MTMR10: variants seen among roughly 807,000 people sequenced by gnomAD.
The protein encoded by MTMR10 is myotubularin related protein 10.
In MTMR10, 56 loss-of-function variants were observed where a neutral mutation model predicts 88.1. The ratio of observed to expected loss-of-function variants is 0.64; its 90% CI spans 0.51 to 0.79. The LOEUF is 0.79. MTMR10 is among the 30% of genes least tolerant of loss of function. MTMR10 has a pLI of 0.00. For synonymous variants in MTMR10, 380 were observed against 340.9 expected, an observed-to-expected ratio of 1.11 and a Z score of -1.26; for missense variants, 883 against 924.7, an observed-to-expected ratio of 0.95 and a Z score of 0.58.
intron 2 of MTMR10, among the ~76,000 whole-genome samples, chr15:30,983,966 A>C (rs188794505): frequency 6.6e-6 from 1 of 152,292 alleles, no homozygotes; most frequent in East Asian, 1.9e-4. Context: ...TCTCAGGAAA[A>C]ATTGTAGAAT....
At chr15:30,934,856 T>C (rs2062809025), downstream of MTMR10, among the ~76,000 whole-genome samples, 1 of 152,236 alleles carries the variant, frequency 6.6e-6, no homozygotes, top group Non-Finnish European at 1.5e-5. Context: ...CTTCCAGCCT[T>C]TGTGGTGTTT....
At chr15:30,966,184 G>A (rs2063469997) in intron 6 of MTMR10, 2 of 325,326 alleles carry the variant, frequency 6.1e-6, no homozygotes, top group Non-Finnish European at 1.2e-5. Flanking sequence ...AATATTTTCA[G>A]TATTAATCAT....
At chr15:30,928,789 G>A in the MTMR10 span, 2 of 1,490,354 alleles carry the variant, frequency 1.3e-6, no homozygotes, top group South Asian at 2.7e-5. Flanking sequence ...CACAGGTCAA[G>A]ATGATAACTT....
chr15:30,936,476 A>C (rs2062855458), downstream of MTMR10, among the ~76,000 whole-genome samples: 1 of 152,214 alleles, frequency 6.6e-6, no homozygotes, highest in Non-Finnish European at 1.5e-5. Flanking sequence ...AATCCAGTGC[A>C]TGCTTTAAAA....
chr15:30,919,692 GAAAAAAAAA>G, the MTMR10 span, among the ~76,000 whole-genome samples: 25 of 129,376 alleles, frequency 1.9e-4, no homozygotes, highest in Non-Finnish European at 3.6e-4. Context: ...CTGTCTCGGG[GAAAAAAAAA>G]AAAAAAAAGA....
chr15:30,941,124 T>A lies in MTMR10; in HGVS notation c.*346A>T. 7.9e-7 allele frequency: 1 copy of A among 1,264,774 alleles called. No homozygotes were observed. Among genetic ancestry groups the A allele is most frequent in the Non-Finnish European group, 1.0e-6 (1 of 981,446 alleles). The allele number at this position is 1,264,774 out of a possible 1,614,324, so 78.3% of individuals were successfully genotyped here. On this transcript the variant is annotated 3_prime_UTR_variant, in exon 16 of 16. Transcript: ENST00000435680. ...AAACACAAATTTCCTAACTTTCCTG[T>A]TGTCTGCTGCCTGGGGCTGCTAATG...
In MTMR10 at chr15:30,941,980, C is replaced by T. The variant is rs554814087; in HGVS notation, c.1824G>A (p.Leu608=). ...DQELLPRRNS[L]ILKPKPDPAQ... is the part of the protein sequence containing the mutation. Reference sequence around the variant, plus strand: ...CTGGATCTGGCTTTGGTTTTAATATCAATGAATTTCTCCTTGGAAGTAATT... The same window carrying T: ...CTGGATCTGGCTTTGGTTTTAATATTAATGAATTTCTCCTTGGAAGTAATT... Residue 608 remains leucine (L), a synonymous_variant, in exon 16 of 16, where the codon TTG becomes TTA. Coordinates refer to ENST00000435680, the MANE Select transcript of MTMR10 (RefSeq NM_017762.3). 1.2e-6 allele frequency: 2 copies of T among 1,613,950 alleles called. No homozygotes were observed. The highest frequency in any genetic ancestry group is 2.7e-5 in the African/African-American group (2 of 75,024).
At chr15:30,937,320 G>GT (rs1490773972), downstream of MTMR10, 3 of 1,492,428 alleles carry the variant, frequency 2.0e-6, no homozygotes, top group Non-Finnish European at 2.7e-6. Flanking sequence ...TATAAAACAT[G>GT]TTTTATTTAA....
At chr15:30,989,421 G>A (rs985499267) in intron 2 of MTMR10, among the ~76,000 whole-genome samples, 6 of 152,000 alleles carry the variant, frequency 3.9e-5, no homozygotes, top group Admixed American at 1.3e-4. Context: ...CCAAAGTTTG[G>A]TGTTTTTAAT....
downstream of MTMR10, among the ~76,000 whole-genome samples, chr15:30,938,751 C>T (rs986840894): frequency 1.3e-5 from 2 of 152,138 alleles, no homozygotes; most frequent in African/African-American, 4.8e-5. Context: ...CATGATCTAT[C>T]AATATCCACA....
In MTMR10 at chr15:30,941,163, G is replaced by A; in HGVS notation, c.*307C>T. On this transcript the variant is annotated 3_prime_UTR_variant, in exon 16 of 16. Coordinates refer to ENST00000435680, the MANE Select transcript of MTMR10 (RefSeq NM_017762.3). ...GGGCTGCTAATGTGACTGACTATCA[G>A]ATAGCCTTCAGGAGGTGGTAGGAAA... 7.6e-7 allele frequency: 1 copy of A among 1,319,468 alleles called. No individual in the cohort carries two copies. The highest frequency in any genetic ancestry group is 1.2e-5 in the South Asian group (1 of 81,036). The allele number at this position is 1,319,468 out of a possible 1,614,324, so 81.7% of individuals were successfully genotyped here. A position where few individuals can be genotyped will look rare whatever the true frequency, so the allele number is the denominator to read the frequency against.
chr15:30,954,843 T>C lies in MTMR10; in HGVS notation c.986A>G (p.Lys329Arg). 1.3e-6 allele frequency: 2 copies of C among 1,582,034 alleles called. No homozygotes were observed. Among genetic ancestry groups the C allele is most frequent in the South Asian group, 1.2e-5 (1 of 86,648 alleles). ...KSHPQRSDVY[K>R]SDLDKTLPNI... The stretch of plus-strand genomic sequence containing the variant: ...AGGCAAGGTCTTATCCAAATCTGAT[T>C]TGTAAACATCACTTCTCTGTGGGTG... The change falls in exon 10 of 16, where the codon AAA (lysine) becomes AGA (arginine). Residue 329 changes from lysine to arginine, a missense_variant. Lys to Arg is a conservative substitution (Grantham distance 26, BLOSUM62 2). Transcript: ENST00000435680.
At chr15:30,938,901 T>C (rs1250959379), downstream of MTMR10, 1 of 984,392 alleles carries the variant, frequency 1.0e-6, no homozygotes, top group Non-Finnish European at 1.2e-6. Flanking sequence ...CTTCTATCAA[T>C]CACTGTGTTC....
At chr15:30,949,338 G>C (rs768109578) in intron 12 of MTMR10, 1 of 152,136 alleles carries the variant, frequency 6.6e-6, no homozygotes, top group Non-Finnish European at 1.5e-5. Flanking sequence ...CCATCTCATT[G>C]AACTGGAGAA....
At chr15:30,937,007 G>C, downstream of MTMR10, 1 of 812,614 alleles carries the variant, frequency 1.2e-6, no homozygotes, top group South Asian at 1.7e-5. Context: ...TACAAATACA[G>C]TGAGAGAGCA....
chr15:30,987,644 G>A (rs1041998141), intron 2 of MTMR10, among the ~76,000 whole-genome samples: 5 of 151,930 alleles, frequency 3.3e-5, no homozygotes, highest in Admixed American at 1.3e-4. Flanking sequence ...TTATGCCAAA[G>A]CAAAGCATGC....
chr15:30,987,281 G>A (rs754605967), intron 2 of MTMR10, among the ~76,000 whole-genome samples: 25 of 152,170 alleles, frequency 1.6e-4, no homozygotes, highest in Admixed American at 3.3e-4. Context: ...AGGTCCTTTC[G>A]TTCAGTCCCT....
intron 9 of MTMR10, chr15:30,956,387 G>A (rs1432347574): frequency 6.6e-6 from 1 of 152,232 alleles, no homozygotes; most frequent in Non-Finnish European, 1.5e-5. Flanking sequence ...TGGGGTAGAT[G>A]ATAAGATAAA....
At chr15:30,933,765 G>T in the MTMR10 span, among the ~76,000 whole-genome samples, 422 of 144,178 alleles carry the variant, frequency 2.9e-3, no homozygotes, top group Non-Finnish European at 4.9e-3. Context: ...TTTTTTTTTT[G>T]TTTTTGTTTT....
Sources: gnomAD v4.1 joint callset for allele counts (sites outside exome capture counted in the v4.1 genomes callset) on GRCh38, gnomAD v4.1.1 for gene constraint, MANE v1.5 for transcripts, NCBI Gene and HGNC (gene_info 2026-07-23, HGNC 2026-07-21) for gene names.